CRYBG1: variants seen among roughly 807,000 people sequenced by gnomAD.
The protein encoded by CRYBG1 is crystallin beta-gamma domain containing 1.
Under a neutral mutation model 189.2 loss-of-function variants are expected in CRYBG1, and 139 were observed. The ratio of observed to expected loss-of-function variants is 0.73; its 90% CI spans 0.64 to 0.85. CRYBG1 has a LOEUF of 0.85. CRYBG1 is among the 40% of genes least tolerant of loss of function. CRYBG1 has a pLI of 0.00. For missense variants in CRYBG1, 2,611 were observed against 2,675.8 expected (o/e 0.98, Z 0.53); for synonymous variants, 1,023 against 1,017.1 (o/e 1.01, Z -0.11).
intron 2 of CRYBG1, among the ~76,000 whole-genome samples, chr6:106,466,084 A>C (rs1026151214): frequency 1.3e-5 from 2 of 152,300 alleles, no homozygotes; most frequent in Non-Finnish European, 2.9e-5. Context: ...TGACCTTCCT[A>C]TGTTGCTAGC....
Position 106,525,126 on chromosome 6 carries a change from A to T in CRYBG1, c.4246-7A>T. The T allele has an allele frequency of 6.2e-7, 1 of 1,613,868 alleles. No homozygotes were observed. The highest frequency in any genetic ancestry group is 8.5e-7 in the Non-Finnish European group (1 of 1,179,874). The stretch of plus-strand genomic sequence containing the variant: ...TATTTGTTGTGTTTTTGTTCATCTG[A>T]TTGCAGACACTTAGAGGAAGTGTCC... On this transcript the variant is annotated splice_region_variant and splice_polypyrimidine_tract_variant and intron_variant, in intron 4 of 21. Transcript: ENST00000633556.
At chr6:106,482,244 A>G (rs1772478917) in intron 2 of CRYBG1, among the ~76,000 whole-genome samples, 1 of 152,214 alleles carries the variant, frequency 6.6e-6, no homozygotes, top group Admixed American at 6.5e-5. Context: ...TGATGCTTCA[A>G]ATCTTCACCT....
At chr6:106,457,024 C>G (rs1368300705) in intron 2 of CRYBG1, 1 of 152,164 alleles carries the variant, frequency 6.6e-6, no homozygotes, top group Non-Finnish European at 1.5e-5. Flanking sequence ...TAAGACCTCC[C>G]CAGATCTTGA....
chr6:106,487,110 G>A (rs575771751), intron 2 of CRYBG1, among the ~76,000 whole-genome samples: 1 of 152,188 alleles, frequency 6.6e-6, no homozygotes, highest in South Asian at 2.1e-4. Context: ...TTACCGTGGG[G>A]TTAACAAAAC....
intron 1 of CRYBG1, among the ~76,000 whole-genome samples, chr6:106,391,866 G>T (rs1453729187): frequency 2.6e-5 from 4 of 151,978 alleles, no homozygotes; most frequent in Non-Finnish European, 2.9e-5. Flanking sequence ...CTTGTCATTA[G>T]AGGTGCTCCC....
Position 106,446,086 on chromosome 6 carries a change from A to C in CRYBG1, c.174-5608A>C, listed in dbSNP as rs564841559. ...TTCAAATCTGCAATAAAGTGACTGA[A>C]CCAGGTAATCACCAGGGACTTTTTC... On this transcript the variant is annotated intron_variant, in intron 1 of 21. Transcript: ENST00000633556. 7.9e-5 allele frequency among the ~76,000 whole-genome samples: 12 copies of C among 152,328 alleles called. No individual in the cohort carries two copies. The East Asian group carries it at 2.3e-3, about 29-fold the overall frequency.
In CRYBG1 at chr6:106,530,174, A is replaced by G. The variant is rs752644002; in HGVS notation, c.4579-2A>G. 2.5e-6 allele frequency: 4 copies of G among 1,604,700 alleles called. No individual in the cohort carries two copies. Among genetic ancestry groups the G allele is most frequent in the South Asian group, 1.1e-5 (1 of 90,236 alleles). ...ACTATCTATGCATCTATATTTTTTC[A>G]GGATTACAGAGTTAGTCACATTGAC... is the stretch of plus-strand genomic sequence containing the variant. On this transcript the variant is annotated splice_acceptor_variant, in intron 7 of 21. Transcript: ENST00000633556. LOFTEE classifies it high-confidence loss of function.
chr6:106,549,480 T>G (rs1207889827), intron 13 of CRYBG1, among the ~76,000 whole-genome samples: 1 of 152,210 alleles, frequency 6.6e-6, no homozygotes, highest in Non-Finnish European at 1.5e-5. Context: ...TGCTCACGCC[T>G]GTAATCCTAG....
At chr6:106,386,000 C>CA (rs1343141141) in intron 1 of CRYBG1, among the ~76,000 whole-genome samples, 3 of 152,086 alleles carry the variant, frequency 2.0e-5, no homozygotes, top group Non-Finnish European at 2.9e-5. Flanking sequence ...ACAACAACAA[C>CA]AACAAAAAAC....
chr6:106,497,434 A>G (rs1271181935), intron 2 of CRYBG1, among the ~76,000 whole-genome samples: 3 of 151,950 alleles, frequency 2.0e-5, no homozygotes, highest in South Asian at 2.1e-4. Context: ...CTTGGTCTCC[A>G]TGGTCTATTT....
intron 2 of CRYBG1, among the ~76,000 whole-genome samples, chr6:106,490,882 T>A (rs1772706045): frequency 1.2e-5 from 1 of 86,314 alleles, no homozygotes; most frequent in African/African-American, 6.8e-5. Context: ...CTTGATCATT[T>A]TTCAACTTGT....
Position 106,518,972 on chromosome 6 carries a change from TGC to T in CRYBG1, c.1923-156_1923-155del, listed in dbSNP as rs1203558454. 5.9e-4 allele frequency among the ~76,000 whole-genome samples: 19 copies of T among 32,288 alleles called. No homozygotes were observed. The Admixed American group carries it at 6.4e-3, about 11-fold the overall frequency. The allele number at this position is 32,288 out of a possible 152,430, so 21.2% of individuals were successfully genotyped here. A position where few individuals can be genotyped will look rare whatever the true frequency, so the allele number is the denominator to read the frequency against. On this transcript the variant is annotated intron_variant, in intron 3 of 21. Transcript: ENST00000633556. ...AGACCTTGTCTTAAAAACACATGTG[TGC>T]GCACACACACACACACATACACACA...
At chr6:106,491,558 C>G (rs1217424274) in intron 2 of CRYBG1, among the ~76,000 whole-genome samples, 2 of 152,170 alleles carry the variant, frequency 1.3e-5, no homozygotes, top group Non-Finnish European at 2.9e-5. Context: ...CTCTCCAGTG[C>G]TCTTCCAGGC....
intron 1 of CRYBG1, among the ~76,000 whole-genome samples, chr6:106,421,561 T>A (rs1771123047): frequency 6.6e-6 from 1 of 152,122 alleles, no homozygotes; most frequent in Admixed American, 6.5e-5. Context: ...TAGGGTCTCT[T>A]CATGAGGCCC....
At chr6:106,526,964 CA>C (rs1225360714) in intron 6 of CRYBG1, among the ~76,000 whole-genome samples, 3,638 of 106,750 alleles carry the variant, frequency 0.034, 69 homozygotes, top group South Asian at 0.12. Flanking sequence ...AAAAAAGAGA[CA>C]AAAAAAAAAA....
chr6:106,453,270 A>G (rs1450801150), intron 2 of CRYBG1, among the ~76,000 whole-genome samples: 22 of 152,232 alleles, frequency 1.4e-4, no homozygotes, highest in Admixed American at 1.4e-3. Context: ...CTTATATTTT[A>G]TATTTCATTA....
At chr6:106,517,564 A>G (rs1221315526) in intron 3 of CRYBG1, among the ~76,000 whole-genome samples, 1 of 151,932 alleles carries the variant, frequency 6.6e-6, no homozygotes, top group East Asian at 1.9e-4. Flanking sequence ...AAGTTTAAAT[A>G]GGAGCAATAA....
At chr6:106,372,366 C>T (rs563747898) in intron 1 of CRYBG1, among the ~76,000 whole-genome samples, 1 of 152,234 alleles carries the variant, frequency 6.6e-6, no homozygotes, top group South Asian at 2.1e-4. Flanking sequence ...ATCCTCCCAC[C>T]TCAGCCTCCT....
Position 106,543,521 on chromosome 6 carries a change from G to C in CRYBG1, c.4963G>C (p.Gly1655Arg), listed in dbSNP as rs913895678. ...TGMCSFVMEG[G>R]ETEEATGDDH... is the part of the protein sequence containing the mutation. Reference sequence around the variant, plus strand: ...AATGTGTAGTTTTGTCATGGAGGGAGGTGAAACAGAAGAGGCGACTGGAGA... The same window carrying C: ...AATGTGTAGTTTTGTCATGGAGGGACGTGAAACAGAAGAGGCGACTGGAGA... The change falls in exon 11 of 22, where the codon GGT becomes CGT. Residue 1655 changes from glycine to arginine, a missense_variant. By Grantham distance (125) the Gly-to-Arg change is moderately radical. This residue lies in a region of CRYBG1 where 1,622 missense variants were observed against 1,735.0 expected (regional missense o/e 0.93). Transcript: ENST00000633556. 6.2e-7 allele frequency: 1 copy of C among 1,614,086 alleles called. No homozygotes were observed. Among genetic ancestry groups the C allele is most frequent in the African/African-American group, 1.3e-5 (1 of 75,046 alleles).
Sources: allele counts gnomAD v4.1 joint callset (sites outside exome capture counted in the v4.1 genomes callset), GRCh38; gene constraint gnomAD v4.1.1; regional missense constraint gnomAD v4.1.1; transcripts MANE v1.5; gene names NCBI Gene and HGNC (gene_info 2026-07-23, HGNC 2026-07-21).